The following PTPN12 variants were observed in gnomAD, a reference collection of about 807,000 sequenced individuals.
PTPN12 encodes the protein protein tyrosine phosphatase non-receptor type 12, also known as tyrosine-protein phosphatase non-receptor type 12.
Under a neutral mutation model 97.6 loss-of-function variants are expected in PTPN12, and 29 were observed. The observed-to-expected ratio is 0.30, with a 90% CI of 0.22 to 0.41. PTPN12 has a LOEUF of 0.41. PTPN12 is among the 10% of genes least tolerant of loss of function. The pLI is 1.00. For missense variants in PTPN12, 819 were observed against 926.0 expected (o/e 0.88, Z 1.50); for synonymous variants, 327 against 300.4 (o/e 1.09, Z -0.91).
chr7:77,576,056 A>G (rs758885040), intron 2 of PTPN12, among the ~76,000 whole-genome samples: 2 of 152,064 alleles, frequency 1.3e-5, no homozygotes, highest in African/African-American at 2.4e-5. Flanking sequence ...GGGTTTCACT[A>G]TGTTGGCCAG....
chr7:77,621,046 G>A (rs190807277), intron 12 of PTPN12, among the ~76,000 whole-genome samples: 2,418 of 140,908 alleles, frequency 0.017, 66 homozygotes, highest in African/African-American at 0.059. Flanking sequence ...CGGATTGCTT[G>A]AATCCATATA....
intron 9 of PTPN12, among the ~76,000 whole-genome samples, chr7:77,608,882 T>C (rs1172742476): frequency 6.6e-6 from 1 of 152,214 alleles, no homozygotes; most frequent in Non-Finnish European, 1.5e-5. Flanking sequence ...AAGGGACACA[T>C]AAATGAATGC....
At chr7:77,619,567 T>C (rs1037100943) in intron 12 of PTPN12, among the ~76,000 whole-genome samples, 2 of 152,232 alleles carry the variant, frequency 1.3e-5, no homozygotes, top group Admixed American at 1.3e-4. Flanking sequence ...GGCAGTGTAC[T>C]CTGGTATAAA....
At chr7:77,625,574 T>TTTC (rs1313861250) in intron 12 of PTPN12, among the ~76,000 whole-genome samples, 1 of 111,928 alleles carries the variant, frequency 8.9e-6, no homozygotes, top group Non-Finnish European at 1.8e-5. Flanking sequence ...TCTTTTTTTT[T>TTTC]TTTTTTTTTT....
At chr7:77,612,733 G>A (rs988073399) in intron 11 of PTPN12, among the ~76,000 whole-genome samples, 1 of 151,170 alleles carries the variant, frequency 6.6e-6, no homozygotes, top group African/African-American at 2.4e-5. Context: ...CACCGCGCCC[G>A]GCCTCGAATG....
intron 1 of PTPN12, chr7:77,537,896 G>T: frequency 1.8e-6 from 1 of 565,208 alleles, no homozygotes; most frequent in East Asian, 6.0e-5. Flanking sequence ...GCGGCCGCGC[G>T]GCCGAGCCCG....
At chr7:77,580,710 T>A (rs998542791) in intron 2 of PTPN12, among the ~76,000 whole-genome samples, 1 of 152,182 alleles carries the variant, frequency 6.6e-6, no homozygotes, top group African/African-American at 2.4e-5. Flanking sequence ...TATTACCTAA[T>A]AATAACTATT....
chr7:77,541,172 C>T lies in PTPN12; in HGVS notation c.99+3527C>T, dbSNP rs567269638. On this transcript the variant is annotated intron_variant, in intron 1 of 17. Coordinates refer to ENST00000248594, the MANE Select transcript of PTPN12 (RefSeq NM_002835.4). ...TGGTTGCGATCCTGGCTCACGGCAG[C>T]GTCGGTCTCCCTGGGCTCAGGTGAT... Among the ~76,000 whole-genome samples the T allele has an allele frequency of 3.9e-5, 6 of 152,300 alleles. No homozygotes were observed. In the East Asian group the frequency reaches 9.6e-4, roughly 24 times the overall value.
chr7:77,595,254 C>G (rs768705626), intron 6 of PTPN12, among the ~76,000 whole-genome samples: 35 of 152,052 alleles, frequency 2.3e-4, no homozygotes, highest in Non-Finnish European at 4.0e-4. Flanking sequence ...TCAGACAACT[C>G]GGGATTTGTT....
At chr7:77,598,250 A>G (rs990654073) in intron 7 of PTPN12, among the ~76,000 whole-genome samples, 2 of 150,224 alleles carry the variant, frequency 1.3e-5, no homozygotes, top group East Asian at 2.2e-4. Flanking sequence ...GAGAAGACAT[A>G]GAGAGGGAGG....
chr7:77,611,877 A>G (rs1408455905), intron 11 of PTPN12, among the ~76,000 whole-genome samples: 5 of 152,204 alleles, frequency 3.3e-5, no homozygotes, highest in Admixed American at 6.5e-5. Flanking sequence ...TAGACCTGAC[A>G]AAAACACTGT....
chr7:77,596,100 T>A (rs1788014301), intron 6 of PTPN12, among the ~76,000 whole-genome samples: 1 of 152,238 alleles, frequency 6.6e-6, no homozygotes. Flanking sequence ...ATTCTATGTA[T>A]ATTTACATGA....
At chr7:77,561,378 G>A (rs1004912724) in intron 1 of PTPN12, among the ~76,000 whole-genome samples, 4 of 152,132 alleles carry the variant, frequency 2.6e-5, no homozygotes, top group African/African-American at 7.2e-5. Flanking sequence ...GATTATTGGT[G>A]ACTTGCTAAA....
At chr7:77,635,870 A>G (rs750956549) in intron 15 of PTPN12, 21 bp downstream of exon 15, 30 of 1,551,576 alleles carry the variant, frequency 1.9e-5, no homozygotes, top group Non-Finnish European at 2.6e-5. Context: ...TTGGAATTGG[A>G]ACAGTTATAG....
chr7:77,592,113 A>G (rs1435233005), intron 5 of PTPN12, 72 bp from the exon 6 acceptor site: 8 of 1,322,474 alleles, frequency 6.0e-6, no homozygotes, highest in South Asian at 2.5e-5. Context: ...GAACCTCAGG[A>G]CACAAAATAT....
chr7:77,538,140 G>A (rs1806755551), intron 1 of PTPN12: 1 of 984,528 alleles, frequency 1.0e-6, no homozygotes, highest in Non-Finnish European at 1.2e-6. Context: ...CTTTGCTCTA[G>A]CTGGTCTCAA....
At chr7:77,586,061 C>G (rs1787680181) in intron 5 of PTPN12, among the ~76,000 whole-genome samples, 1 of 152,140 alleles carries the variant, frequency 6.6e-6, no homozygotes, top group African/African-American at 2.4e-5. Flanking sequence ...TCAAGCGACT[C>G]TCCTGCCTTA....
chr7:77,537,769 A>C (rs1562696653), intron 1 of PTPN12, 124 bp downstream of exon 1: 1 of 1,012,012 alleles, frequency 9.9e-7, no homozygotes, highest in East Asian at 3.3e-5. Context: ...GGCGCGCACC[A>C]GCCGGGTGAG....
intron 6 of PTPN12, among the ~76,000 whole-genome samples, chr7:77,595,911 C>A (rs1298070404): frequency 6.6e-6 from 1 of 152,154 alleles, no homozygotes; most frequent in East Asian, 1.9e-4. Flanking sequence ...CAGTAAGAGA[C>A]CTTTAAAGTG....
Sources: gnomAD v4.1 joint callset for allele counts (sites outside exome capture counted in the v4.1 genomes callset) on GRCh38, gnomAD v4.1.1 for gene constraint, MANE v1.5 for transcripts, NCBI Gene and HGNC (gene_info 2026-07-23, HGNC 2026-07-21) for gene names.